Variants in CUX1 observed in about 807,000 individuals in gnomAD.
CUX1 encodes protein CASP.
CUX1 carries 31 observed loss-of-function variants against 158.8 expected under a neutral mutation model. The ratio of observed to expected loss-of-function variants is 0.20; its 90% confidence interval spans 0.15 to 0.26. The LOEUF is 0.26. Among genes scored for constraint, CUX1 ranks in the 10% least tolerant of loss-of-function variants. The probability of loss-of-function intolerance (pLI) is 1.00; values close to 1 mark genes in which losing one functional copy is unlikely to be tolerated. For synonymous variants in CUX1, 879 were observed against 862.1 expected (o/e 1.02, Z -0.34); for missense variants, 1,589 against 2,014.6 (o/e 0.79, Z 4.04).
At chr7:102,093,361 T>C (rs1466884385) in intron 4 of CUX1, among the ~76,000 whole-genome samples, 1 of 152,066 alleles carries the variant, frequency 6.6e-6, no homozygotes, top group African/African-American at 2.4e-5. Context: ...AATTTTTGTA[T>C]TTTTTCCAGA....
chr7:102,107,830 C>T (rs1489666352), intron 6 of CUX1, among the ~76,000 whole-genome samples: 4 of 152,202 alleles, frequency 2.6e-5, no homozygotes, highest in African/African-American at 7.2e-5. Flanking sequence ...ATTGTGGCCA[C>T]CTGGAGCCCT....
intron 3 of CUX1, among the ~76,000 whole-genome samples, chr7:102,039,902 T>C (rs1563163904): frequency 6.6e-6 from 1 of 152,126 alleles, no homozygotes; most frequent in African/African-American, 2.4e-5. Flanking sequence ...TGACATGGCC[T>C]GAGGGAGGGA....
At chr7:102,136,995 A>G (rs1833978189) in intron 8 of CUX1, among the ~76,000 whole-genome samples, 1 of 152,124 alleles carries the variant, frequency 6.6e-6, no homozygotes, top group Non-Finnish European at 1.5e-5. Context: ...GTCCCAGCCC[A>G]TTTGCTCAAG....
chr7:101,956,034 T>C (rs1446626483), intron 2 of CUX1, among the ~76,000 whole-genome samples: 3 of 148,454 alleles, frequency 2.0e-5, no homozygotes, highest in African/African-American at 7.5e-5. Context: ...TACAAAAAAT[T>C]AGCCGGGTGA....
rs556237321 is a variant in CUX1 at position 102,250,062 on chromosome 7, GA to G, written c.*1032del. Reference sequence around the variant, plus strand: ...TCAGGACAAAAAAAAGAAAAAAAAAGAAAAAAAAAAAAGAAAAGATCCGAAT... The same window carrying G: ...TCAGGACAAAAAAAAGAAAAAAAAAGAAAAAAAAAAAGAAAAGATCCGAAT... On this transcript the variant is annotated 3_prime_UTR_variant, in exon 24 of 24. Coordinates refer to ENST00000292535, the MANE Select transcript of CUX1 (RefSeq NM_181552.4). The G allele has an allele frequency of 0.14, 106,642 of 773,190 alleles. 3,252 individuals carry two copies. The highest frequency in any genetic ancestry group is 0.16 in the African/African-American group (7,905 of 48,364). 47.9% of individuals were successfully genotyped at this position (773,190 alleles called of 1,614,324 possible). A position where few individuals can be genotyped will look rare whatever the true frequency, so the allele number is the denominator to read the frequency against.
At chr7:102,121,788 G>T (rs1319809662) in intron 8 of CUX1, among the ~76,000 whole-genome samples, 1 of 152,070 alleles carries the variant, frequency 6.6e-6, no homozygotes, top group East Asian at 1.9e-4. Flanking sequence ...GCAGATTCAG[G>T]CCCTGGACCT....
At chr7:102,210,230 G>A (rs1796386803) in intron 20 of CUX1, among the ~76,000 whole-genome samples, 1 of 152,122 alleles carries the variant, frequency 6.6e-6, no homozygotes, top group Admixed American at 6.6e-5. Context: ...CCAAGTAGCT[G>A]GGATTACAGG....
At chr7:102,172,088 G>A (rs190456934) in intron 10 of CUX1, among the ~76,000 whole-genome samples, 9 of 152,094 alleles carry the variant, frequency 5.9e-5, no homozygotes, top group Middle Eastern at 3.4e-3. Flanking sequence ...ACAGAATACC[G>A]TTATTTCTTT....
At chr7:102,065,514 C>T (rs904588529) in intron 3 of CUX1, among the ~76,000 whole-genome samples, 13 of 152,210 alleles carry the variant, frequency 8.5e-5, no homozygotes, top group African/African-American at 2.4e-4. Context: ...TTCTTGTCTG[C>T]GGAGCGGAGG....
intron 1 of CUX1, among the ~76,000 whole-genome samples, chr7:101,856,154 G>A (rs1280564605): frequency 2.3e-5 from 3 of 132,170 alleles, no homozygotes; most frequent in Non-Finnish European, 3.1e-5. Context: ...TTGCACTCCA[G>A]TCTGGGTGAC....
upstream of CUX1, chr7:101,817,543 C>A (rs1044085183): frequency 3.1e-6 from 4 of 1,272,526 alleles, no homozygotes; most frequent in African/African-American, 1.6e-5. The surrounding 1 kb of genome is among the most constrained non-coding windows in gnomAD (Gnocchi z 4.1). Flanking sequence ...TGCCTGCCAC[C>A]CCCCGCCCGG....
intron 2 of CUX1, among the ~76,000 whole-genome samples, chr7:101,936,001 T>C (rs1411981442): frequency 6.6e-6 from 1 of 152,182 alleles, no homozygotes; most frequent in African/African-American, 2.4e-5. Flanking sequence ...GGTTATGTCT[T>C]ATTCAACAAC....
chr7:102,254,557 TG>T lies in CUX1; in HGVS notation c.*5520del. ...TGGTTGGAGGTGGGTCTGTCCACTG[TG>T]GGGGCCAAAGTGTTCCCCTGCTGGA... On this transcript the variant is annotated 3_prime_UTR_variant, in exon 24 of 24. Transcript: ENST00000292535. The T allele has an allele frequency of 4.1e-6, 4 of 985,506 alleles. No individual in the cohort carries two copies. Among genetic ancestry groups the T allele is most frequent in the Non-Finnish European group, 4.8e-6 (4 of 830,006 alleles). The allele number at this position is 985,506 out of a possible 1,614,324, so 61.0% of individuals were successfully genotyped here.
intron 20 of CUX1, among the ~76,000 whole-genome samples, chr7:102,218,729 A>C (rs1239111061): frequency 6.6e-6 from 1 of 151,886 alleles, no homozygotes; most frequent in African/African-American, 2.4e-5. Flanking sequence ...CTCCCATGTC[A>C]TTATAAGAGT....
rs1277080518 is a variant in CUX1, at chr7:102,250,719, C to T, written c.*1677C>T. On this transcript the variant is annotated 3_prime_UTR_variant, in exon 24 of 24. Transcript: ENST00000292535. The stretch of plus-strand genomic sequence containing the variant: ...GTCTAAGTACAAACTGAAAGTCTAA[C>T]TTGTCTCTGATTCCTCCCTTGTCTA... 1 of 985,300 alleles carries T rather than the reference C, an allele frequency of 1.0e-6. No individual in the cohort carries two copies. The highest frequency in any genetic ancestry group is 6.2e-5 in the Admixed American group (1 of 16,256). The allele number at this position is 985,300 out of a possible 1,614,324, so 61.0% of individuals were successfully genotyped here.
chr7:101,910,598 A>C (rs1584952550), intron 1 of CUX1, among the ~76,000 whole-genome samples: 1 of 152,192 alleles, frequency 6.6e-6, no homozygotes, highest in Middle Eastern at 3.4e-3. Flanking sequence ...TCTACTAAAA[A>C]CATAAAAATT....
intron 12 of CUX1, 76 bp downstream of exon 12, chr7:102,189,947 G>A: frequency 6.5e-7 from 1 of 1,526,908 alleles, no homozygotes; most frequent in Non-Finnish European, 9.0e-7. Flanking sequence ...CCAGGCTGGT[G>A]GCAGGAAGCC....
chr7:102,208,308 A>C (rs958221581), intron 20 of CUX1, among the ~76,000 whole-genome samples: 5 of 152,070 alleles, frequency 3.3e-5, no homozygotes, highest in African/African-American at 1.2e-4. Flanking sequence ...CAGTGGCACA[A>C]TCTCAGCTCA....
At chr7:101,903,033 G>A (rs190335157) in intron 1 of CUX1, among the ~76,000 whole-genome samples, 2 of 152,268 alleles carry the variant, frequency 1.3e-5, no homozygotes, top group African/African-American at 2.4e-5. Flanking sequence ...CCTGTTTCCC[G>A]GGCATTTGTT....
Sources: allele counts gnomAD v4.1 joint callset (sites outside exome capture counted in the v4.1 genomes callset), GRCh38; gene constraint gnomAD v4.1.1; non-coding constraint Gnocchi (gnomAD v3.1); transcripts MANE v1.5; gene names NCBI Gene and HGNC (gene_info 2026-07-23, HGNC 2026-07-21).